The following KNTC1 variants were observed in gnomAD, a reference collection of about 807,000 sequenced individuals.
KNTC1 encodes the protein kinetochore associated 1.
A neutral mutation model predicts 314.4 loss-of-function variants in KNTC1; 253 were observed. The observed-to-expected ratio is 0.80, with a 90% CI of 0.73 to 0.89. KNTC1 has a LOEUF of 0.89. Ranked by LOEUF, KNTC1 falls within the 40% of genes least tolerant of loss-of-function variation. KNTC1 has a pLI of 0.00. For synonymous variants in KNTC1, 901 were observed against 901.4 expected, an observed-to-expected ratio of 1.00 and a Z score of 0.01; for missense variants, 2,475 against 2,572.9, an observed-to-expected ratio of 0.96 and a Z score of 0.82.
In KNTC1 at chr12:122,589,776, A is replaced by ATTTTT. The variant is rs375169727; in HGVS notation, c.4000-810_4000-806dup. Among the ~76,000 whole-genome samples, 378 of 94,578 alleles carry ATTTTT rather than the reference A, an allele frequency of 4.0e-3. 5 individuals are homozygous for ATTTTT. Among genetic ancestry groups the ATTTTT allele is most frequent in the Non-Finnish European group, 4.8e-3 (242 of 50,860 alleles). The allele number at this position is 94,578 out of a possible 152,430, so 62.0% of individuals were successfully genotyped here. On this transcript the variant is annotated intron_variant, in intron 40 of 63. Transcript: ENST00000333479. The stretch of plus-strand genomic sequence containing the variant: ...CATGATATTGTGCCCGGGCCCCCCA[A>ATTTTT]TTTTTTTTTTTTTTTTTTTTTTTTT...
intron 13 of KNTC1, among the ~76,000 whole-genome samples, chr12:122,550,512 G>GTTGTTT (rs754747715): frequency 2.0e-5 from 3 of 151,892 alleles, no homozygotes; most frequent in Non-Finnish European, 2.9e-5. Context: ...TGTTGTTGTT[G>GTTGTTT]TTGTTGTCGA....
chr12:122,610,839 T>C lies in KNTC1; in HGVS notation c.5561T>C (p.Leu1854Pro), dbSNP rs745926545. 1.9e-6 allele frequency: 3 copies of C among 1,612,774 alleles called. No homozygotes were observed. The South Asian group carries it at 3.3e-5, about 18-fold the overall frequency. The part of the protein sequence containing the change: ...EALRRVQYLL[L>P]SRPIDYSSRM... ...TTTTCCAGAGTGCAGTATCTCCTCCTGTCTCGTCCAATTGATTATAGTTCA... is the reference window on the plus strand; with the variant it reads ...TTTTCCAGAGTGCAGTATCTCCTCCCGTCTCGTCCAATTGATTATAGTTCA... The change falls in exon 53 of 64, where the codon CTG (leucine) becomes CCG (proline). Residue 1854 changes from leucine (L) to proline (P), a missense_variant. Coordinates refer to ENST00000333479, the MANE Select transcript of KNTC1 (RefSeq NM_014708.6).
In KNTC1 at chr12:122,603,184, T is replaced by C; in HGVS notation, c.5042T>C (p.Ile1681Thr). The C allele has an allele frequency of 1.2e-6, 2 of 1,613,254 alleles. No individual in the cohort carries two copies. Among genetic ancestry groups the C allele is most frequent in the Non-Finnish European group, 1.7e-6 (2 of 1,179,740 alleles). ...ACCATCGAATCCTGCTTACTCTCTA[T>C]AGTCAACCCAGAGTGGGCTGTAGCT... ...TQTIESCLLS[I>T]VNPEWAVAIA... Residue 1681 changes from isoleucine to threonine, a missense_variant, in exon 48 of 64, where the codon ATA becomes ACA. Transcript: ENST00000333479.
intron 21 of KNTC1, among the ~76,000 whole-genome samples, 193 bp downstream of exon 21, chr12:122,568,565 G>C (rs919310035): frequency 1.3e-5 from 2 of 152,198 alleles, no homozygotes; most frequent in East Asian, 3.8e-4. Flanking sequence ...GGCTGGGCGC[G>C]ATGGCTCACG....
At position 122,582,843 on chromosome 12, in the gene KNTC1, G is replaced by T. The variant is rs775609964; in HGVS notation, c.3121G>T (p.Ala1041Ser). The T allele has an allele frequency of 6.2e-7, 1 of 1,612,010 alleles. No individual in the cohort carries two copies. Among genetic ancestry groups the T allele is most frequent in the Non-Finnish European group, 8.5e-7 (1 of 1,178,988 alleles). The change falls in exon 34 of 64, where the codon GCT becomes TCT. Residue 1041 changes from alanine (A) to serine (S), a missense_variant. Transcript: ENST00000333479. Reference protein sequence around the residue: ...KPGSTPEPIAAEVRSPSMESK... With the variant: ...KPGSTPEPIASEVRSPSMESK... Reference sequence around the variant, plus strand: ...TGGGAGCACCCCAGAGCCCATAGCTGCTGAGGTGAGGAGCCCAAGCATGGA... The same window carrying T: ...TGGGAGCACCCCAGAGCCCATAGCTTCTGAGGTGAGGAGCCCAAGCATGGA...
chr12:122,528,125 T>C (rs1328253660), intron 1 of KNTC1, among the ~76,000 whole-genome samples: 5 of 152,170 alleles, frequency 3.3e-5, no homozygotes, highest in Admixed American at 2.0e-4. Flanking sequence ...ACATAGTAAA[T>C]AGGTATTCAA....
intron 43 of KNTC1, among the ~76,000 whole-genome samples, chr12:122,595,850 G>A (rs917759956): frequency 5.3e-5 from 8 of 152,054 alleles, no homozygotes; most frequent in African/African-American, 1.2e-4. Context: ...TTCTACTTAC[G>A]TGGCATTGAT....
At chr12:122,609,958 G>C (rs750961693) in intron 52 of KNTC1, among the ~76,000 whole-genome samples, 1 of 152,228 alleles carries the variant, frequency 6.6e-6, no homozygotes, top group African/African-American at 2.4e-5. Context: ...ATGGATAAGG[G>C]AGCATGGTGG....
At chr12:122,538,245 T>A in intron 3 of KNTC1, 94 bp from the exon 4 acceptor site, 1 of 674,208 alleles carries the variant, frequency 1.5e-6, no homozygotes, top group Non-Finnish European at 2.6e-6. Context: ...ACTTAAGTAA[T>A]CGTTGGCTTT....
In KNTC1 at chr12:122,544,261, A is replaced by G; in HGVS notation, c.661A>G (p.Ile221Val). The change falls in exon 8 of 64, where the codon ATA becomes GTA. Residue 221 changes from isoleucine (I) to valine (V), a missense_variant. Coordinates refer to ENST00000333479, the MANE Select transcript of KNTC1 (RefSeq NM_014708.6). ...AGATTTAGCAAGTGAAGTTCCTGTG[A>G]TAATTGGGGTAATTGTTTTTATAAA... Reference protein sequence around the residue: ...AGDLASEVPVIIGGTGNCAFS... With the variant: ...AGDLASEVPVVIGGTGNCAFS... 6.6e-7 allele frequency: 1 copy of G among 1,510,700 alleles called. No homozygotes were observed. The highest frequency in any genetic ancestry group is 9.0e-7 in the Non-Finnish European group (1 of 1,106,986). 93.6% of individuals were successfully genotyped at this position (1,510,700 alleles called of 1,614,324 possible). A position where few individuals can be genotyped will look rare whatever the true frequency, so the allele number is the denominator to read the frequency against.
intron 18 of KNTC1, among the ~76,000 whole-genome samples, chr12:122,558,508 C>T (rs11058715): frequency 0.041 from 6,200 of 151,468 alleles, 447 homozygotes; most frequent in African/African-American, 0.14. Flanking sequence ...GCTGAGATCA[C>T]GCCACTGCAC....
intron 24 of KNTC1, 23 bp from the exon 25 acceptor site, chr12:122,572,914 C>T: frequency 6.8e-7 from 1 of 1,468,146 alleles, no homozygotes; most frequent in Non-Finnish European, 9.3e-7. Flanking sequence ...ATATCGTTAA[C>T]AACTTTAACA....
chr12:122,596,704 T>C (rs1415907974), intron 43 of KNTC1, among the ~76,000 whole-genome samples: 1 of 151,882 alleles, frequency 6.6e-6, no homozygotes, highest in Non-Finnish European at 1.5e-5. Context: ...CACTGAAGTG[T>C]TGTGGCGCAT....
intron 52 of KNTC1, among the ~76,000 whole-genome samples, chr12:122,610,090 C>T (rs528827307): frequency 3.0e-4 from 46 of 152,316 alleles, no homozygotes; most frequent in African/African-American, 9.6e-4. Flanking sequence ...GGAAAGACAA[C>T]CCCAAGAAAC....
intron 55 of KNTC1, among the ~76,000 whole-genome samples, 167 bp from the exon 56 acceptor site, chr12:122,614,824 C>T (rs959256292): frequency 6.6e-6 from 1 of 150,930 alleles, no homozygotes; most frequent in Non-Finnish European, 1.5e-5. Context: ...GAGGTTGTGG[C>T]GAGCTGAGAT....
Position 122,577,708 on chromosome 12 carries a change from C to T in KNTC1, c.2758C>T (p.Pro920Ser), listed in dbSNP as rs1480165906. ...TCTCCTTCTGTTGAAGTCTTTGCCT[C>T]CTGCTGAAGCTGAGAAAACTGCAGA... ...DCLLLLKSLP[P>S]AEAEKTAERV... The change falls in exon 31 of 64, where the codon CCT becomes TCT. Residue 920 changes from proline (P) to serine (S), a missense_variant. Transcript: ENST00000333479. 3.1e-6 allele frequency: 5 copies of T among 1,613,564 alleles called. No homozygotes were observed. The highest frequency in any genetic ancestry group is 1.3e-5 in the African/African-American group (1 of 74,892).
chr12:122,597,911 C>T lies in KNTC1; in HGVS notation c.4536C>T (p.Val1512=), dbSNP rs183459769. 274 of 1,613,940 alleles carry T rather than the reference C, an allele frequency of 1.7e-4. 1 individual carries two copies. In the East Asian group the frequency reaches 5.8e-3, roughly 34 times the overall value. The change falls in exon 44 of 64, where the codon GTC becomes GTT. Residue 1512 remains valine (V), a synonymous_variant. Transcript: ENST00000333479. ...VPLLTSTKDL[V]ISLSGILHKL... ...TACTGACGAGCACAAAAGATTTGGT[C>T]ATCAGTCTTAGTGGAATACTACATA...
chr12:122,622,420 T>C, intron 61 of KNTC1, 42 bp from the exon 62 acceptor site: 1 of 1,428,436 alleles, frequency 7.0e-7, no homozygotes. Context: ...CTGATTCTAA[T>C]AGATTAGAAG....
At chr12:122,566,433 G>A (rs1397051567) in intron 20 of KNTC1, among the ~76,000 whole-genome samples, 3 of 149,378 alleles carry the variant, frequency 2.0e-5, no homozygotes, top group Non-Finnish European at 1.5e-5. Context: ...CTTTTAATAC[G>A]GACTCTCACT....
Sources: gnomAD v4.1 joint callset for allele counts (sites outside exome capture counted in the v4.1 genomes callset) on GRCh38, gnomAD v4.1.1 for gene constraint, MANE v1.5 for transcripts, NCBI Gene and HGNC (gene_info 2026-07-23, HGNC 2026-07-21) for gene names.